Variants in TPMT observed in about 807,000 individuals in gnomAD.
TPMT encodes S-adenosyl-L-methionine:thiopurine S-methyltransferase.
In TPMT, 18 loss-of-function variants were observed where a neutral mutation model predicts 34.2. The ratio of observed to expected loss-of-function variants is 0.53; its 90% CI spans 0.36 to 0.78. The LOEUF is 0.78. TPMT is among the 30% of genes least tolerant of loss of function. The probability of loss-of-function intolerance (pLI) is 0.00; values close to 1 mark genes in which losing one functional copy is unlikely to be tolerated. For missense variants in TPMT, 265 were observed against 288.1 expected (o/e 0.92, Z 0.58); for synonymous variants, 69 against 92.4 (o/e 0.75, Z 1.45).
At position 18,129,997 on chromosome 6, in the gene TPMT, T is replaced by C. The variant is rs1413235620; in HGVS notation, c.*671A>G. ...CAACAATTCTAAATTTCATAAAGAA[T>C]GTCAGGCCAGGTGCAGTGGCTCACG... is the stretch of plus-strand genomic sequence containing the variant. On this transcript the variant is annotated 3_prime_UTR_variant, in exon 9 of 9. Coordinates refer to ENST00000309983, the MANE Select transcript of TPMT (RefSeq NM_000367.5). 1.3e-5 allele frequency: 2 copies of C among 152,450 alleles called. No homozygotes were observed. The highest frequency in any genetic ancestry group is 2.4e-5 in the African/African-American group (1 of 41,424). The allele number at this position is 152,450 out of a possible 1,614,324, so 9.4% of individuals were successfully genotyped here.
chr6:18,149,257 G>T lies in TPMT; in HGVS notation c.-44-86C>A. ...AAATGAAAACCTATTATTCTTAGCA[G>T]TATGACTTTTTAAAAATATTTCTTT... On this transcript the variant is annotated intron_variant, in intron 1 of 8. Coordinates refer to ENST00000309983, the MANE Select transcript of TPMT (RefSeq NM_000367.5). The surrounding 1 kb of genome is among the most constrained non-coding windows in gnomAD (Gnocchi z 5.0). 3.4e-6 allele frequency: 4 copies of T among 1,167,020 alleles called. No individual in the cohort carries two copies. Among genetic ancestry groups the T allele is most frequent in the Non-Finnish European group, 4.9e-6 (4 of 810,846 alleles). 72.3% of individuals were successfully genotyped at this position (1,167,020 alleles called of 1,614,324 possible).
At position 18,155,024 on chromosome 6, in the gene TPMT, T is replaced by G. The variant is rs1784462579; in HGVS notation, c.-45+9A>C. On this transcript the variant is annotated intron_variant, in intron 1 of 8. Transcript: ENST00000309983. This position sits in a 1 kb window ranked among gnomAD's most constrained non-coding sequence, Gnocchi z 6.2. The stretch of plus-strand genomic sequence containing the variant: ...CTCACCCGCACCCTCCGCGCCCGAG[T>G]GAGCCTACCTCGCTTACAGCTGGTT... 1 of 152,466 alleles carries G rather than the reference T, an allele frequency of 6.6e-6. No individual in the cohort carries two copies. The highest frequency in any genetic ancestry group is 2.0e-4 in the South Asian group (1 of 5,076). 9.4% of individuals were successfully genotyped at this position (152,466 alleles called of 1,614,324 possible).
Position 18,129,588 on chromosome 6 carries a change from A to G in TPMT, c.*1080T>C, listed in dbSNP as rs1459870815. ...TGATATAACAAAATGTGGTTAAAGA[A>G]GAACTGAGAAATCTAACCTTTCATA... On this transcript the variant is annotated 3_prime_UTR_variant, in exon 9 of 9. Coordinates refer to ENST00000309983, the MANE Select transcript of TPMT (RefSeq NM_000367.5). 1 of 152,258 alleles carries G rather than the reference A, an allele frequency of 6.6e-6. No individual in the cohort carries two copies. The highest frequency in any genetic ancestry group is 1.9e-4 in the East Asian group (1 of 5,204). The allele number at this position is 152,258 out of a possible 1,614,324, so 9.4% of individuals were successfully genotyped here.
rs1197070093 is a variant in TPMT at position 18,148,896 on chromosome 6, A to C, written c.140+92T>G. ...GTGAAGAATTAAATGTGCATCCTAA[A>C]AGTTAGTCAAATAATGTGTACTTTT... On this transcript the variant is annotated intron_variant, in intron 2 of 8. Coordinates refer to ENST00000309983, the MANE Select transcript of TPMT (RefSeq NM_000367.5). This position sits in a 1 kb window ranked among gnomAD's most constrained non-coding sequence, Gnocchi z 4.1. 2 of 1,583,040 alleles carry C rather than the reference A, an allele frequency of 1.3e-6. No homozygotes were observed. The highest frequency in any genetic ancestry group is 1.7e-6 in the Non-Finnish European group (2 of 1,156,116).
Position 18,154,214 on chromosome 6 carries a change from G to T in TPMT, c.-45+819C>A, listed in dbSNP as rs1673763328. Among the ~76,000 whole-genome samples the T allele has an allele frequency of 6.6e-6, 1 of 152,026 alleles. No individual in the cohort carries two copies. Among genetic ancestry groups the T allele is most frequent in the Admixed American group, 6.6e-5 (1 of 15,246 alleles). Reference sequence around the variant, plus strand: ...TCCACTTGTATACATCATTTCTAGAGAAATAAAGTTTATTTCTATAATACA... The same window carrying T: ...TCCACTTGTATACATCATTTCTAGATAAATAAAGTTTATTTCTATAATACA... On this transcript the variant is annotated intron_variant, in intron 1 of 8. Transcript: ENST00000309983. This position sits in a 1 kb window ranked among gnomAD's most constrained non-coding sequence, Gnocchi z 4.2.
chr6:18,136,206 A>G lies in TPMT; in HGVS notation c.495-2317T>C, dbSNP rs1784039222. On this transcript the variant is annotated intron_variant, in intron 6 of 8. Coordinates refer to ENST00000309983, the MANE Select transcript of TPMT (RefSeq NM_000367.5). The surrounding 1 kb of genome is among the most constrained non-coding windows in gnomAD (Gnocchi z 4.7). ...CTTCAGGGAGTGGGAAACACCTACA[A>G]ATTTAGACATTAGCAGATGGGGTTT... Among the ~76,000 whole-genome samples, 1 of 151,950 alleles carries G rather than the reference A, an allele frequency of 6.6e-6. No homozygotes were observed. The highest frequency in any genetic ancestry group is 1.5e-5 in the Non-Finnish European group (1 of 68,000).
rs544273674 is a variant in TPMT, at chr6:18,154,737, C to A, written c.-45+296G>T. Among the ~76,000 whole-genome samples the A allele has an allele frequency of 6.6e-6, 1 of 152,150 alleles. No individual in the cohort carries two copies. Among genetic ancestry groups the A allele is most frequent in the East Asian group, 1.9e-4 (1 of 5,184 alleles). On this transcript the variant is annotated intron_variant, in intron 1 of 8. Coordinates refer to ENST00000309983, the MANE Select transcript of TPMT (RefSeq NM_000367.5). The surrounding 1 kb of genome is among the most constrained non-coding windows in gnomAD (Gnocchi z 4.2). The stretch of plus-strand genomic sequence containing the variant: ...ACAGTGAGCTATGATTGTGCCACTG[C>A]ACGCTAGCATGGGCGACAGAGGGAG...
chr6:18,141,496 C>T (rs568108377), intron 4 of TPMT, among the ~76,000 whole-genome samples: 72 of 152,182 alleles, frequency 4.7e-4, no homozygotes, highest in African/African-American at 1.6e-3. Context: ...TGCACCACCA[C>T]AGCCAGCTAA....
At position 18,138,842 on chromosome 6, in the gene TPMT, A is replaced by T; in HGVS notation, c.494+121T>A. 1 of 846,714 alleles carries T rather than the reference A, an allele frequency of 1.2e-6. No individual in the cohort carries two copies. Among genetic ancestry groups the T allele is most frequent in the Non-Finnish European group, 1.9e-6 (1 of 527,110 alleles). 52.5% of individuals were successfully genotyped at this position (846,714 alleles called of 1,614,324 possible). On this transcript the variant is annotated intron_variant, in intron 6 of 8. Coordinates refer to ENST00000309983, the MANE Select transcript of TPMT (RefSeq NM_000367.5). The surrounding 1 kb of genome is among the most constrained non-coding windows in gnomAD (Gnocchi z 4.1). ...TAGTATTGGATTTAGGTTTTTATAA[A>T]TTCCAAACATAATAACCTATTTCAA...
Position 18,138,875 on chromosome 6 carries a change from G to A in TPMT, c.494+88C>T. The A allele has an allele frequency of 4.7e-6, 5 of 1,072,732 alleles. No homozygotes were observed. The highest frequency in any genetic ancestry group is 7.1e-6 in the Non-Finnish European group (5 of 707,354). The allele number at this position is 1,072,732 out of a possible 1,614,324, so 66.5% of individuals were successfully genotyped here. A position where few individuals can be genotyped will look rare whatever the true frequency, so the allele number is the denominator to read the frequency against. ...CATAATAACCTATTTCAAACTCATA[G>A]AAGTCTAAGCTGATTTTCTAGAACC... On this transcript the variant is annotated intron_variant, in intron 6 of 8. Transcript: ENST00000309983. The surrounding 1 kb of genome is among the most constrained non-coding windows in gnomAD (Gnocchi z 4.1).
chr6:18,151,228 G>A (rs575737917), intron 1 of TPMT, among the ~76,000 whole-genome samples: 10 of 141,180 alleles, frequency 7.1e-5, no homozygotes, highest in East Asian at 4.1e-4. Context: ...TGCTTTGGGC[G>A]ACCAAAGTGG....
intron 6 of TPMT, 80 bp from the exon 7 acceptor site, chr6:18,133,969 C>G: frequency 1.8e-6 from 2 of 1,123,686 alleles, no homozygotes; most frequent in Non-Finnish European, 2.7e-6. Flanking sequence ...GGGAAGGAAG[C>G]CAGAAGTTAC....
At position 18,147,914 on chromosome 6, in the gene TPMT, G is replaced by T; in HGVS notation, c.142C>A (p.Leu48Ile). ...TAFHQEQGHQLLKKHLDTFLK... is the reference protein window; with the variant it reads ...TAFHQEQGHQILKKHLDTFLK... ...AAAGTATCTAAATGCTTCTTTAATA[G>T]CCTGAAGAGGAAAAAAAAAAAGGTT... The change falls in exon 3 of 9, where the codon CTA (leucine) becomes ATA (isoleucine). Residue 48 changes from leucine to isoleucine, a missense_variant and splice_region_variant. Leu to Ile is a conservative substitution (Grantham distance 5). Coordinates refer to ENST00000309983, the MANE Select transcript of TPMT (RefSeq NM_000367.5). 1.2e-6 allele frequency: 2 copies of T among 1,610,970 alleles called. No individual in the cohort carries two copies. The highest frequency in any genetic ancestry group is 4.5e-5 in the East Asian group (2 of 44,776).
Position 18,139,528 on chromosome 6 carries a change from C to T in TPMT, c.419+137G>A. ...GACGAGTGTGTAATAAAAATATCTG[C>T]AGAACAGACATTCAAAAAAATGCTT... On this transcript the variant is annotated intron_variant, in intron 5 of 8. Coordinates refer to ENST00000309983, the MANE Select transcript of TPMT (RefSeq NM_000367.5). This position sits in a 1 kb window ranked among gnomAD's most constrained non-coding sequence, Gnocchi z 4.2. 1.3e-6 allele frequency: 1 copy of T among 756,546 alleles called. No individual in the cohort carries two copies. Among genetic ancestry groups the T allele is most frequent in the South Asian group, 1.5e-5 (1 of 64,824 alleles). 46.9% of individuals were successfully genotyped at this position (756,546 alleles called of 1,614,324 possible).
Position 18,143,640 on chromosome 6 carries a change from A to G in TPMT, c.322T>C (p.Ser108Pro). The G allele has an allele frequency of 2.5e-6, 4 of 1,613,598 alleles. No homozygotes were observed. Residue 108 changes from serine to proline, a missense_variant, in exon 4 of 9, where the codon TCA becomes CCA. By Grantham distance (74) the Ser-to-Pro change is moderately conservative. Transcript: ENST00000309983. This position sits in a 1 kb window ranked among gnomAD's most constrained non-coding sequence, Gnocchi z 6.1. ...EFFTEQNLSY[S>P]EEPITEIPGT... The stretch of plus-strand genomic sequence containing the variant: ...GGAATTTCGGTGATTGGTTCTTCTG[A>G]GTAAGAAAGATTCTGCTCTGTAAAA...
In TPMT at chr6:18,139,140, G is replaced by C; in HGVS notation, c.420-103C>G. 2 of 1,043,354 alleles carry C rather than the reference G, an allele frequency of 1.9e-6. No individual in the cohort carries two copies. The highest frequency in any genetic ancestry group is 3.0e-6 in the Non-Finnish European group (2 of 661,816). 64.6% of individuals were successfully genotyped at this position (1,043,354 alleles called of 1,614,324 possible). On this transcript the variant is annotated intron_variant, in intron 5 of 8. Coordinates refer to ENST00000309983, the MANE Select transcript of TPMT (RefSeq NM_000367.5). This position sits in a 1 kb window ranked among gnomAD's most constrained non-coding sequence, Gnocchi z 4.2. ...TGCTGGTACTTCAACAATCGTCAAG[G>C]TATTAGGATCTCACGTCTGCGTTTC...
Position 18,138,834 on chromosome 6 carries a change from T to G in TPMT, c.494+129A>C. The G allele has an allele frequency of 1.2e-6, 1 of 800,078 alleles. No homozygotes were observed. 49.6% of individuals were successfully genotyped at this position (800,078 alleles called of 1,614,324 possible). ...GACAAAGCTAGTATTGGATTTAGGT[T>G]TTTATAAATTCCAAACATAATAACC... On this transcript the variant is annotated intron_variant, in intron 6 of 8. Transcript: ENST00000309983. This position sits in a 1 kb window ranked among gnomAD's most constrained non-coding sequence, Gnocchi z 4.1.
intron 1 of TPMT, among the ~76,000 whole-genome samples, chr6:18,151,717 A>G (rs1784358085): frequency 6.6e-6 from 1 of 151,828 alleles, no homozygotes; most frequent in South Asian, 2.1e-4. Context: ...CTCAGCCTTT[A>G]AAGTATCTGG....
chr6:18,148,953 G>C lies in TPMT; in HGVS notation c.140+35C>G. 1 of 1,612,116 alleles carries C rather than the reference G, an allele frequency of 6.2e-7. No homozygotes were observed. Among genetic ancestry groups the C allele is most frequent in the Non-Finnish European group, 8.5e-7 (1 of 1,179,782 alleles). The stretch of plus-strand genomic sequence containing the variant: ...TCTATCTCAAAGTCACTTTTTGATA[G>C]AACATTTCTCTATTGTATACCAAAT... On this transcript the variant is annotated intron_variant, in intron 2 of 8. Coordinates refer to ENST00000309983, the MANE Select transcript of TPMT (RefSeq NM_000367.5). This position sits in a 1 kb window ranked among gnomAD's most constrained non-coding sequence, Gnocchi z 4.1.
Sources: allele counts gnomAD v4.1 joint callset (sites outside exome capture counted in the v4.1 genomes callset), GRCh38; gene constraint gnomAD v4.1.1; non-coding constraint Gnocchi (gnomAD v3.1); transcripts MANE v1.5; gene names NCBI Gene and HGNC (gene_info 2026-07-23, HGNC 2026-07-21).